Variants in PTPRD observed in about 807,000 individuals in gnomAD.
PTPRD encodes receptor-type tyrosine-protein phosphatase delta.
A neutral mutation model predicts 214.5 loss-of-function variants in PTPRD; 34 were observed. That is an observed-to-expected ratio of 0.16 (90% CI 0.12 to 0.21). The LOEUF is 0.21. Ranked by LOEUF, PTPRD falls within the 10% of genes least tolerant of loss-of-function variation. The pLI, the probability that PTPRD is intolerant of heterozygous loss-of-function variation, is 1.00. For missense variants in PTPRD, 2,545 were observed against 2,398.7 expected, an observed-to-expected ratio of 1.06 and a Z score of -1.27; for synonymous variants, 1,128 against 845.7, an observed-to-expected ratio of 1.33 and a Z score of -5.79.
At chr9:9,578,566 T>C (rs1261535868) in intron 7 of PTPRD, among the ~76,000 whole-genome samples, 3 of 152,114 alleles carry the variant, frequency 2.0e-5, no homozygotes, top group African/African-American at 2.4e-5. Flanking sequence ...TAAATAATTA[T>C]AAATACTTCA....
rs1253720592 is a variant in PTPRD, at chr9:8,528,571, A to G, written c.541+20T>C. ...AAAAAAATTCTCTAGGAGTTAGTAG[A>G]AACAGTAACAAGACCCTACCTGATC... On this transcript the variant is annotated intron_variant, in intron 15 of 45. Transcript: ENST00000381196. 21 of 1,608,016 alleles carry G rather than the reference A, an allele frequency of 1.3e-5. No homozygotes were observed. Among genetic ancestry groups the G allele is most frequent in the Non-Finnish European group, 1.8e-5 (21 of 1,176,986 alleles).
rs1352216705 is a variant in PTPRD at position 10,432,214 on chromosome 9, C to T, written c.-599-91197G>A. 2.8e-5 allele frequency among the ~76,000 whole-genome samples: 4 copies of T among 143,546 alleles called. No homozygotes were observed. In the East Asian group the frequency reaches 8.4e-4, roughly 30 times the overall value. The allele number at this position is 143,546 out of a possible 152,430, so 94.2% of individuals were successfully genotyped here. ...AAAAACCAAACACCGCATATTCTCA[C>T]TCATAGGCGGGAATTGAACAATGAG... On this transcript the variant is annotated intron_variant, in intron 2 of 45. Transcript: ENST00000381196.
At chr9:9,078,233 T>C (rs1187842547) in intron 10 of PTPRD, among the ~76,000 whole-genome samples, 3 of 152,148 alleles carry the variant, frequency 2.0e-5, no homozygotes, top group South Asian at 4.1e-4. Flanking sequence ...TTAGTATTCA[T>C]AAAAGTTTTA....
intron 3 of PTPRD, among the ~76,000 whole-genome samples, chr9:10,035,658 C>T (rs10809018): frequency 0.32 from 48,229 of 151,674 alleles, 8,241 homozygotes; most frequent in East Asian, 0.62. Flanking sequence ...ATCATTTCAG[C>T]CTTCCTTCAG....
chr9:9,389,158 T>C (rs898766094), intron 9 of PTPRD, among the ~76,000 whole-genome samples: 5 of 152,078 alleles, frequency 3.3e-5, no homozygotes, highest in African/African-American at 1.2e-4. Flanking sequence ...ACATGTAAAA[T>C]AGGGGTAATA....
intron 43 of PTPRD, among the ~76,000 whole-genome samples, chr9:8,335,982 T>C (rs929539204): frequency 2.0e-5 from 3 of 152,054 alleles, no homozygotes; most frequent in African/African-American, 4.8e-5. Context: ...TGGAAGAACA[T>C]TCCATGCTCA....
intron 2 of PTPRD, among the ~76,000 whole-genome samples, chr9:10,562,404 A>G (rs965042707): frequency 6.6e-6 from 1 of 151,958 alleles, no homozygotes; most frequent in African/African-American, 2.4e-5. Context: ...GCTCTTTGAG[A>G]AAACTGTTCT....
intron 3 of PTPRD, among the ~76,000 whole-genome samples, chr9:10,077,702 T>G (rs986519241): frequency 2.0e-5 from 3 of 152,118 alleles, no homozygotes; most frequent in Admixed American, 6.6e-5. Context: ...TGTGTCCATA[T>G]GTACTCAATA....
chr9:9,590,212 A>AT (rs903740391), intron 7 of PTPRD, among the ~76,000 whole-genome samples: 25 of 151,208 alleles, frequency 1.7e-4, no homozygotes, highest in South Asian at 6.3e-4. Context: ...TCTATGATCT[A>AT]TTTTTTTTTC....
chr9:9,192,042 A>G (rs1429661342), intron 9 of PTPRD, among the ~76,000 whole-genome samples: 1 of 151,988 alleles, frequency 6.6e-6, no homozygotes, highest in African/African-American at 2.4e-5. Flanking sequence ...ATTTATCAAA[A>G]TATGATCAAA....
intron 3 of PTPRD, among the ~76,000 whole-genome samples, chr9:10,036,528 ACACAC>A (rs201041503): frequency 5.1e-4 from 73 of 143,030 alleles, no homozygotes; most frequent in East Asian, 1.0e-3. Context: ...ACACACACAC[ACACAC>A]AATTTTGCCA....
At chr9:9,660,048 C>G (rs1472845559) in intron 7 of PTPRD, among the ~76,000 whole-genome samples, 1 of 151,960 alleles carries the variant, frequency 6.6e-6, no homozygotes, top group Non-Finnish European at 1.5e-5. Flanking sequence ...TTTTAACATA[C>G]TTTATTTAAA....
chr9:8,767,777 T>C (rs1425696493), intron 11 of PTPRD, among the ~76,000 whole-genome samples: 3 of 152,202 alleles, frequency 2.0e-5, no homozygotes, highest in Non-Finnish European at 4.4e-5. Context: ...CCCAGGCATC[T>C]GTGTATTTTT....
At chr9:8,552,033 C>T (rs1338729620) in intron 14 of PTPRD, among the ~76,000 whole-genome samples, 2 of 152,244 alleles carry the variant, frequency 1.3e-5, no homozygotes, top group Non-Finnish European at 2.9e-5. Flanking sequence ...CAATACTGCC[C>T]CCATACCCAC....
chr9:9,687,565 T>C (rs1278875283), intron 7 of PTPRD, among the ~76,000 whole-genome samples: 1 of 151,720 alleles, frequency 6.6e-6, no homozygotes, highest in Non-Finnish European at 1.5e-5. Flanking sequence ...CTAAAATAAC[T>C]TTTTACATAT....
At chr9:9,931,350 C>T (rs928069340) in intron 5 of PTPRD, among the ~76,000 whole-genome samples, 5 of 151,800 alleles carry the variant, frequency 3.3e-5, no homozygotes, top group South Asian at 2.1e-4. Flanking sequence ...AGACAGTGGG[C>T]GCAGGTCAGT....
intron 35 of PTPRD, among the ~76,000 whole-genome samples, chr9:8,418,890 T>C (rs970810006): frequency 3.3e-5 from 5 of 152,024 alleles, no homozygotes; most frequent in Admixed American, 2.0e-4. Flanking sequence ...TCAGATCCAA[T>C]AGTAGGCAAA....
At chr9:9,826,847 T>C (rs1404058579) in intron 5 of PTPRD, among the ~76,000 whole-genome samples, 2 of 152,076 alleles carry the variant, frequency 1.3e-5, no homozygotes, top group Non-Finnish European at 2.9e-5. Context: ...ATTGCAAGCA[T>C]TCTTATACAC....
chr9:8,897,170 G>A (rs2098623741), intron 11 of PTPRD, among the ~76,000 whole-genome samples: 1 of 152,098 alleles, frequency 6.6e-6, no homozygotes, highest in Admixed American at 6.6e-5. Context: ...TATCAATCAA[G>A]GAATATTTAT....
Sources: gnomAD v4.1 joint callset for allele counts (sites outside exome capture counted in the v4.1 genomes callset) on GRCh38, gnomAD v4.1.1 for gene constraint, MANE v1.5 for transcripts, NCBI Gene and HGNC (gene_info 2026-07-23, HGNC 2026-07-21) for gene names.